Variants in ITGBL1 observed in about 807,000 individuals in gnomAD.
The protein encoded by ITGBL1 is integrin beta-like protein 1.
Under a neutral mutation model 68.5 loss-of-function variants are expected in ITGBL1, and 51 were observed. That is an observed-to-expected ratio of 0.74 (90% confidence interval 0.59 to 0.94). The LOEUF is 0.94. Ranked by LOEUF, ITGBL1 falls within the 40% of genes least tolerant of loss-of-function variation. The pLI, the probability that ITGBL1 is intolerant of heterozygous loss-of-function variation, is 0.00. For missense variants in ITGBL1, 649 were observed against 647.4 expected (o/e 1.00, Z -0.03); for synonymous variants, 209 against 227.3 (o/e 0.92, Z 0.72).
chr13:101,693,425 G>A (rs1055957810), intron 8 of ITGBL1, among the ~76,000 whole-genome samples: 17 of 152,130 alleles, frequency 1.1e-4, no homozygotes, highest in Non-Finnish European at 1.5e-4. Context: ...TCCCTTTATT[G>A]GGGGAAAGAA....
rs532548598 is a variant in ITGBL1 at position 101,549,695 on chromosome 13, A to T, written c.317-18004A>T. 2.0e-5 allele frequency among the ~76,000 whole-genome samples: 3 copies of T among 152,230 alleles called. 1 individual carries two copies. The highest frequency in any genetic ancestry group is 2.0e-4 in the Admixed American group (3 of 15,284). On this transcript the variant is annotated intron_variant, in intron 2 of 10. Transcript: ENST00000376180. Reference sequence around the variant, plus strand: ...AACCAATGAGAAGATTTTGAATCTTATTCACAGTTGACACATGTCAGTGAA... The same window carrying T: ...AACCAATGAGAAGATTTTGAATCTTTTTCACAGTTGACACATGTCAGTGAA...
chr13:101,707,166 G>T (rs2034281493), intron 9 of ITGBL1, among the ~76,000 whole-genome samples: 1 of 152,100 alleles, frequency 6.6e-6, no homozygotes, highest in Non-Finnish European at 1.5e-5. Context: ...CTTTTATCAA[G>T]AAATTAGGAC....
At chr13:101,475,687 G>T (rs2048526377) in intron 2 of ITGBL1, among the ~76,000 whole-genome samples, 1 of 151,118 alleles carries the variant, frequency 6.6e-6, no homozygotes, top group African/African-American at 2.4e-5. Context: ...CAAGAGAAAA[G>T]AAACAAGTAA....
chr13:101,696,953 G>T (rs1475835286), intron 8 of ITGBL1, among the ~76,000 whole-genome samples: 1 of 152,076 alleles, frequency 6.6e-6, no homozygotes, highest in Admixed American at 6.6e-5. Context: ...AATAGGATGT[G>T]AAGAATATTT....
At chr13:101,591,095 G>T (rs1232731977) in intron 6 of ITGBL1, among the ~76,000 whole-genome samples, 1 of 152,114 alleles carries the variant, frequency 6.6e-6, no homozygotes, top group Non-Finnish European at 1.5e-5. Context: ...TAGAGATGGG[G>T]TTTCACCATG....
chr13:101,683,801 G>T (rs367893718), intron 7 of ITGBL1, among the ~76,000 whole-genome samples: 125 of 152,004 alleles, frequency 8.2e-4, no homozygotes, highest in African/African-American at 3.0e-3. Context: ...GTTTTAGTCT[G>T]CATTTCCCAT....
chr13:101,583,178 C>G (rs764858661), intron 5 of ITGBL1, 38 bp from the exon 6 acceptor site: 20 of 1,597,762 alleles, frequency 1.3e-5, no homozygotes, highest in Non-Finnish European at 1.6e-5. Context: ...CATGGTTTTT[C>G]TTGACTGGAT....
intron 7 of ITGBL1, among the ~76,000 whole-genome samples, chr13:101,631,772 A>C (rs1343104801): frequency 6.6e-6 from 1 of 152,204 alleles, no homozygotes; most frequent in East Asian, 1.9e-4. Context: ...AAAGTATCTG[A>C]AAAATGAAAG....
chr13:101,537,402 T>C (rs779321841), intron 2 of ITGBL1, among the ~76,000 whole-genome samples: 53 of 152,050 alleles, frequency 3.5e-4, no homozygotes, highest in Non-Finnish European at 2.5e-4. Flanking sequence ...AAACTTAATC[T>C]TTAGAAAAAT....
intron 7 of ITGBL1, among the ~76,000 whole-genome samples, chr13:101,650,490 A>G (rs1484382095): frequency 6.6e-6 from 1 of 152,148 alleles, no homozygotes; most frequent in Non-Finnish European, 1.5e-5. Context: ...AATATTAATT[A>G]CTTTTCTTTA....
intron 7 of ITGBL1, among the ~76,000 whole-genome samples, chr13:101,608,502 G>A (rs2030980291): frequency 1.3e-5 from 2 of 151,794 alleles, no homozygotes; most frequent in South Asian, 4.1e-4. Context: ...TAAAAATTTG[G>A]AAGTTCTCCA....
At chr13:101,497,671 C>G (rs1238967410) in intron 2 of ITGBL1, among the ~76,000 whole-genome samples, 1 of 152,170 alleles carries the variant, frequency 6.6e-6, no homozygotes. Context: ...CTCACTGTCT[C>G]TAGTGGTACT....
intron 7 of ITGBL1, among the ~76,000 whole-genome samples, chr13:101,607,601 A>T (rs755344986): frequency 1.3e-5 from 2 of 151,994 alleles, no homozygotes; most frequent in Non-Finnish European, 2.9e-5. Context: ...GATATGGAAT[A>T]CATAGGTTTA....
At chr13:101,606,712 A>G (rs1054983738) in intron 7 of ITGBL1, among the ~76,000 whole-genome samples, 3 of 152,008 alleles carry the variant, frequency 2.0e-5, no homozygotes, top group African/African-American at 7.2e-5. Flanking sequence ...AGTGCTGGAG[A>G]TCGTCTCTGA....
At chr13:101,494,647 C>A (rs187356462) in intron 2 of ITGBL1, among the ~76,000 whole-genome samples, 1 of 151,870 alleles carries the variant, frequency 6.6e-6, no homozygotes, top group African/African-American at 2.4e-5. Context: ...AATTGTGTAT[C>A]CAATAATATA....
intron 1 of ITGBL1, 51 bp from the exon 2 acceptor site, chr13:101,453,832 G>C: frequency 3.4e-6 from 4 of 1,179,642 alleles, no homozygotes; most frequent in Non-Finnish European, 4.2e-6. Flanking sequence ...TCGGAGCAGG[G>C]GGCGGCGTCC....
At chr13:101,707,155 A>G (rs933697591) in intron 9 of ITGBL1, among the ~76,000 whole-genome samples, 1 of 152,208 alleles carries the variant, frequency 6.6e-6, no homozygotes, top group Non-Finnish European at 1.5e-5. Context: ...TAGAATTAAT[A>G]CTTTTATCAA....
chr13:101,712,524 A>G (rs1297040496), intron 9 of ITGBL1: 1 of 152,208 alleles, frequency 6.6e-6, no homozygotes, highest in Admixed American at 6.5e-5. Context: ...GAATTGTGAC[A>G]TATATAAAAT....
intron 2 of ITGBL1, among the ~76,000 whole-genome samples, chr13:101,566,695 A>G (rs886907049): frequency 8.5e-5 from 13 of 152,112 alleles, no homozygotes; most frequent in African/African-American, 3.1e-4. Context: ...GTTGAATCAG[A>G]TCAATGACTT....
Sources: allele counts gnomAD v4.1 joint callset (sites outside exome capture counted in the v4.1 genomes callset), GRCh38; gene constraint gnomAD v4.1.1; transcripts MANE v1.5; gene names NCBI Gene and HGNC (gene_info 2026-07-23, HGNC 2026-07-21).